PUM3: variants seen among roughly 807,000 people sequenced by gnomAD.
The protein encoded by PUM3 is pumilio RNA binding family member 3, also known as pumilio homolog 3.
A neutral mutation model predicts 84.0 loss-of-function variants in PUM3; 91 were observed. That is an observed-to-expected ratio of 1.08 (90% CI 0.91 to 1.29). The LOEUF (loss-of-function observed/expected upper bound fraction) is 1.29. Ranked by LOEUF, PUM3 falls within the 50% of genes most tolerant of loss-of-function variation. The pLI is 0.00. For missense variants in PUM3, 1,067 were observed against 767.5 expected (o/e 1.39, Z -4.61); for synonymous variants, 321 against 266.7 (o/e 1.20, Z -1.98).
chr9:2,837,592 T>C (rs985399380), intron 2 of PUM3, among the ~76,000 whole-genome samples, 191 bp from the exon 3 acceptor site: 1 of 152,200 alleles, frequency 6.6e-6, no homozygotes, highest in South Asian at 2.1e-4. Flanking sequence ...ATTCTTTCCT[T>C]GATTATAAAA....
intron 10 of PUM3, among the ~76,000 whole-genome samples, chr9:2,825,937 A>G (rs552607699): frequency 6.6e-6 from 1 of 152,194 alleles, no homozygotes; most frequent in East Asian, 1.9e-4. Context: ...AATTTCATCA[A>G]TAAGGAACAA....
At chr9:2,843,143 C>G (rs929395259) in intron 1 of PUM3, among the ~76,000 whole-genome samples, 1 of 152,080 alleles carries the variant, frequency 6.6e-6, no homozygotes, top group Non-Finnish European at 1.5e-5. Flanking sequence ...GTAATAGGAA[C>G]GGAAATGTTT....
chr9:2,824,084 C>G (rs1025328192), intron 11 of PUM3, among the ~76,000 whole-genome samples: 5 of 148,984 alleles, frequency 3.4e-5, no homozygotes, highest in Admixed American at 1.3e-4. Context: ...TTAGGGTTTG[C>G]AAGCCACCTT....
At chr9:2,810,265 C>T in intron 16 of PUM3, 79 bp downstream of exon 16, 1 of 898,208 alleles carries the variant, frequency 1.1e-6, no homozygotes, top group South Asian at 1.4e-5. Flanking sequence ...GCTTAAATGG[C>T]TGGTATAAAG....
intron 17 of PUM3, 97 bp downstream of exon 17, chr9:2,807,717 A>C: frequency 1.3e-6 from 1 of 757,202 alleles, no homozygotes. Context: ...ATATTAGACT[A>C]CTGAGAACAA....
intron 3 of PUM3, among the ~76,000 whole-genome samples, chr9:2,836,632 G>C (rs904814903): frequency 6.6e-6 from 1 of 152,176 alleles, no homozygotes; most frequent in Non-Finnish European, 1.5e-5. Flanking sequence ...TGCGCCATCA[G>C]AGGGATTTAT....
At chr9:2,810,842 T>C (rs912615329) in intron 15 of PUM3, among the ~76,000 whole-genome samples, 1 of 152,178 alleles carries the variant, frequency 6.6e-6, no homozygotes, top group Non-Finnish European at 1.5e-5. Flanking sequence ...TAAGTACACA[T>C]GACCACCGAA....
intron 1 of PUM3, among the ~76,000 whole-genome samples, chr9:2,839,891 T>C (rs1413406694): frequency 6.6e-6 from 1 of 152,236 alleles, no homozygotes; most frequent in Admixed American, 6.5e-5. Context: ...GATACACAGT[T>C]CACATATACC....
At chr9:2,839,084 C>T (rs909027154) in intron 1 of PUM3, among the ~76,000 whole-genome samples, 1 of 152,162 alleles carries the variant, frequency 6.6e-6, no homozygotes, top group Non-Finnish European at 1.5e-5. Flanking sequence ...AAGCAATTGG[C>T]AGTGAACTCC....
chr9:2,838,539 CA>C (rs1410872918), intron 1 of PUM3, 22 bp from the exon 2 acceptor site: 1 of 1,444,820 alleles, frequency 6.9e-7, no homozygotes, highest in Non-Finnish European at 9.7e-7. Flanking sequence ...AAACCAAAAC[CA>C]AAAACAATCA....
Position 2,811,499 on chromosome 9 carries a change from T to C in PUM3, c.1497A>G (p.Gln499=), listed in dbSNP as rs1237972225. The C allele has an allele frequency of 1.9e-6, 3 of 1,614,084 alleles. No individual in the cohort carries two copies. In the African/African-American group the frequency reaches 4.0e-5, roughly 22 times the overall value. The change falls in exon 15 of 18, where the codon CAA becomes CAG. Residue 499 remains glutamine, a synonymous_variant. Transcript: ENST00000397885. ...ALLSYLQEHA[Q]EVVLDKSACV... is the part of the protein sequence containing the mutation. ...ACGCAGACTTATCTAGCACCACTTCTTGGGCGTGTTCTTGCAGGTAGCTTA... is the reference window on the plus strand; with the variant it reads ...ACGCAGACTTATCTAGCACCACTTCCTGGGCGTGTTCTTGCAGGTAGCTTA...
intron 16 of PUM3, among the ~76,000 whole-genome samples, chr9:2,809,226 G>A (rs936415858): frequency 2.0e-5 from 3 of 152,112 alleles, no homozygotes; most frequent in Non-Finnish European, 2.9e-5. Context: ...ACAGCTAGAC[G>A]TGCAGGAGGA....
At chr9:2,810,935 A>G (rs1217946189) in intron 15 of PUM3, among the ~76,000 whole-genome samples, 1 of 152,134 alleles carries the variant, frequency 6.6e-6, no homozygotes, top group African/African-American at 2.4e-5. Context: ...AAGCGTTCCC[A>G]GTTATTTGGG....
chr9:2,806,059 A>G lies in PUM3; in HGVS notation c.1815-1596T>C, dbSNP rs553121915. Among the ~76,000 whole-genome samples, 21 of 152,304 alleles carry G rather than the reference A, an allele frequency of 1.4e-4. No homozygotes were observed. In the South Asian group the frequency reaches 4.1e-3, roughly 30 times the overall value. ...AAATATTTCCTCTGCTCCTGTTCCAATTCTGAGTAGTGCTCCATAATAAAC... is the reference window on the plus strand; with the variant it reads ...AAATATTTCCTCTGCTCCTGTTCCAGTTCTGAGTAGTGCTCCATAATAAAC... On this transcript the variant is annotated intron_variant, in intron 17 of 17. Coordinates refer to ENST00000397885, the MANE Select transcript of PUM3 (RefSeq NM_014878.5).
At chr9:2,827,172 CAA>C (rs1247170695) in intron 9 of PUM3, 21 bp from the exon 10 acceptor site, 23 of 1,545,652 alleles carry the variant, frequency 1.5e-5, no homozygotes, top group Non-Finnish European at 2.0e-5. Context: ...AAAAAAAAAG[CAA>C]AAAGACACAA....
rs1044316512 is a variant in PUM3, at chr9:2,831,295, T to C, written c.566A>G (p.Tyr189Cys). 2 of 1,610,932 alleles carry C rather than the reference T, an allele frequency of 1.2e-6. No individual in the cohort carries two copies. The highest frequency in any genetic ancestry group is 1.3e-5 in the African/African-American group (1 of 74,826). Residue 189 changes from tyrosine to cysteine, a missense_variant, in exon 6 of 18, where the codon TAT becomes TGT. Coordinates refer to ENST00000397885, the MANE Select transcript of PUM3 (RefSeq NM_014878.5). ...CTGTTTTCTCTGTTCTTCATTACCA[T>C]ACTGAATGTAACACTGGATCACACG... is the stretch of plus-strand genomic sequence containing the variant. ...STRVIQCYIQYGNEEQRKQAF... is the reference protein window; with the variant it reads ...STRVIQCYIQCGNEEQRKQAF...
intron 13 of PUM3, among the ~76,000 whole-genome samples, chr9:2,819,336 C>T (rs1821535837): frequency 6.6e-6 from 1 of 152,300 alleles, no homozygotes; most frequent in Non-Finnish European, 1.5e-5. Context: ...ATTGGTTTTT[C>T]TGAAGGCAAC....
At chr9:2,833,242 T>C (rs925448674) in intron 5 of PUM3, 115 bp downstream of exon 5, 5 of 510,696 alleles carry the variant, frequency 9.8e-6, no homozygotes, top group African/African-American at 6.0e-5. Context: ...TTAAAACTTT[T>C]GGCCAAATAC....
intron 13 of PUM3, among the ~76,000 whole-genome samples, chr9:2,817,561 T>C (rs1238985693): frequency 2.6e-5 from 4 of 152,180 alleles, no homozygotes; most frequent in Non-Finnish European, 5.9e-5. Flanking sequence ...AAGACATCAT[T>C]TATACAGAAC....
Sources: allele counts gnomAD v4.1 joint callset (sites outside exome capture counted in the v4.1 genomes callset), GRCh38; gene constraint gnomAD v4.1.1; transcripts MANE v1.5; gene names NCBI Gene and HGNC (gene_info 2026-07-23, HGNC 2026-07-21).